MAPK14: variants seen among roughly 807,000 people sequenced by gnomAD.
The protein encoded by MAPK14 is mitogen-activated protein kinase 14.
MAPK14 carries 16 observed loss-of-function variants against 49.6 expected under a neutral mutation model. The observed-to-expected ratio is 0.32, with a 90% CI of 0.22 to 0.49. The LOEUF (loss-of-function observed/expected upper bound fraction) is 0.49. Ranked by LOEUF, MAPK14 falls within the 20% of genes least tolerant of loss-of-function variation. The probability of loss-of-function intolerance (pLI) is 0.99; values close to 1 mark genes in which losing one functional copy is unlikely to be tolerated. For synonymous variants in MAPK14, 142 were observed against 158.0 expected, an observed-to-expected ratio of 0.90 and a Z score of 0.76; for missense variants, 200 against 441.2, an observed-to-expected ratio of 0.45 and a Z score of 4.90.
chr6:36,029,330 C>T (rs1265343614), intron 1 of MAPK14, among the ~76,000 whole-genome samples: 1 of 152,090 alleles, frequency 6.6e-6, no homozygotes, highest in Non-Finnish European at 1.5e-5. Flanking sequence ...TACTTTTTAG[C>T]TTTAATTTAC....
chr6:36,073,567 C>A, intron 4 of MAPK14, 124 bp from the exon 5 acceptor site: 1 of 724,358 alleles, frequency 1.4e-6, no homozygotes, highest in Non-Finnish European at 2.3e-6. Flanking sequence ...GTTACTTATG[C>A]TGATTTCTAA....
intron 4 of MAPK14, 96 bp from the exon 5 acceptor site, chr6:36,073,595 G>C (rs1764395854): frequency 4.6e-6 from 4 of 879,108 alleles, no homozygotes; most frequent in Non-Finnish European, 1.9e-6. Context: ...ATTAACACTA[G>C]CAGTTCTTAC....
chr6:36,030,962 A>G (rs1399545605), intron 1 of MAPK14, among the ~76,000 whole-genome samples: 1 of 152,236 alleles, frequency 6.6e-6, no homozygotes, highest in Non-Finnish European at 1.5e-5. Context: ...AAATACCAGA[A>G]TTTAGATTTA....
chr6:36,124,138 C>CCTT, the MAPK14 span, among the ~76,000 whole-genome samples: 748 of 76,354 alleles, frequency 9.8e-3, 6 homozygotes, highest in Middle Eastern at 0.029. Flanking sequence ...CTCCCTCCCT[C>CCTT]CCTCCCTCCC....
the MAPK14 span, among the ~76,000 whole-genome samples, chr6:36,118,394 A>G: frequency 2.4e-4 from 36 of 152,326 alleles, no homozygotes; most frequent in African/African-American, 7.5e-4. Flanking sequence ...TTCATGGGAA[A>G]AGGCAGTGGT....
intron 1 of MAPK14, among the ~76,000 whole-genome samples, chr6:36,032,944 C>CT (rs575071541): frequency 3.5e-4 from 53 of 151,054 alleles, no homozygotes; most frequent in South Asian, 1.7e-3. Flanking sequence ...GTGAAGCTAA[C>CT]TTTTTTTAAC....
the MAPK14 span, among the ~76,000 whole-genome samples, chr6:36,122,633 C>T: frequency 2.0e-5 from 3 of 152,164 alleles, no homozygotes; most frequent in South Asian, 2.1e-4. Context: ...TTGAAGAACA[C>T]GAGGCCAGGT....
At chr6:36,081,643 C>T (rs1764765365) in intron 8 of MAPK14, among the ~76,000 whole-genome samples, 1 of 152,120 alleles carries the variant, frequency 6.6e-6, no homozygotes, top group African/African-American at 2.4e-5. Context: ...ATCACTGTAG[C>T]TTTATAGTAA....
At chr6:36,121,681 CAG>C in the MAPK14 span, among the ~76,000 whole-genome samples, 2 of 152,296 alleles carry the variant, frequency 1.3e-5, no homozygotes, top group South Asian at 4.1e-4. Context: ...TTTTTAGAGA[CAG>C]GGTCTTGCAA....
At chr6:36,059,255 T>G in intron 2 of MAPK14, 34 bp from the exon 3 acceptor site, 1 of 1,364,784 alleles carries the variant, frequency 7.3e-7, no homozygotes, top group Non-Finnish European at 1.0e-6. Context: ...AGTTTAATAT[T>G]TATTTACTTT....
chr6:36,103,308 G>A (rs1173857373), intron 10 of MAPK14, among the ~76,000 whole-genome samples: 1 of 149,756 alleles, frequency 6.7e-6, no homozygotes, highest in Non-Finnish European at 1.5e-5. Context: ...TAAAAAAGGA[G>A]TTGCTTTATT....
chr6:36,122,425 C>G, the MAPK14 span, among the ~76,000 whole-genome samples: 1 of 152,234 alleles, frequency 6.6e-6, no homozygotes, highest in East Asian at 1.9e-4. Flanking sequence ...CAGCTGCACA[C>G]AGACAGAGAT....
chr6:36,106,858 T>G (rs532936504), intron 10 of MAPK14, among the ~76,000 whole-genome samples: 1 of 152,194 alleles, frequency 6.6e-6, no homozygotes, highest in East Asian at 1.9e-4. Context: ...ATTCACTGTT[T>G]GAAGATCTGT....
chr6:36,095,419 C>A (rs1765406288), intron 8 of MAPK14, among the ~76,000 whole-genome samples: 1 of 152,236 alleles, frequency 6.6e-6, no homozygotes, highest in Admixed American at 6.5e-5. Flanking sequence ...GCTTCCCTTT[C>A]CAGAGGGTGT....
chr6:36,045,604 C>T (rs1199983320), intron 1 of MAPK14, among the ~76,000 whole-genome samples: 4 of 151,940 alleles, frequency 2.6e-5, no homozygotes, highest in Admixed American at 2.0e-4. Context: ...ATCAGGAGAT[C>T]GAGACCATCC....
chr6:36,096,126 C>A, intron 9 of MAPK14, 60 bp downstream of exon 9: 2 of 1,182,746 alleles, frequency 1.7e-6, no homozygotes, highest in Non-Finnish European at 2.5e-6. Flanking sequence ...TGCCTTCTAC[C>A]AATCTGTACT....
intron 8 of MAPK14, among the ~76,000 whole-genome samples, chr6:36,089,365 C>T (rs764346618): frequency 2.4e-4 from 36 of 152,078 alleles, no homozygotes; most frequent in Non-Finnish European, 4.0e-4. Context: ...GAACAACACA[C>T]GCTGGGGCCT....
At chr6:36,029,246 T>C (rs899943726) in intron 1 of MAPK14, 4 of 152,182 alleles carry the variant, frequency 2.6e-5, no homozygotes, top group African/African-American at 7.2e-5. Flanking sequence ...TATCTAGTTA[T>C]CTGCATTTAT....
chr6:36,083,826 G>A (rs1349653085), intron 8 of MAPK14, among the ~76,000 whole-genome samples: 1 of 152,192 alleles, frequency 6.6e-6, no homozygotes, highest in African/African-American at 2.4e-5. Flanking sequence ...TTCCCCCAGT[G>A]CAGCACACCC....
Sources: gnomAD v4.1 joint callset for allele counts (sites outside exome capture counted in the v4.1 genomes callset) on GRCh38, gnomAD v4.1.1 for gene constraint, MANE v1.5 for transcripts, NCBI Gene and HGNC (gene_info 2026-07-23, HGNC 2026-07-21) for gene names.